The following CHN2 variants were observed in gnomAD, a reference collection of about 807,000 sequenced individuals.
The protein encoded by CHN2 is chimerin 2, also known as beta-chimaerin.
A neutral mutation model predicts 56.3 loss-of-function variants in CHN2; 35 were observed. The observed-to-expected ratio is 0.62, with a 90% confidence interval of 0.47 to 0.82. The LOEUF is 0.82. Among genes scored for constraint, CHN2 ranks in the 40% least tolerant of loss-of-function variants. CHN2 has a pLI of 0.00. For missense variants in CHN2, 491 were observed against 580.5 expected (o/e 0.85, Z 1.58); for synonymous variants, 210 against 212.8 (o/e 0.99, Z 0.12).
chr7:29,203,467 CAAAAAAA>C (rs11287820), intron 1 of CHN2, among the ~76,000 whole-genome samples: 7 of 55,582 alleles, frequency 1.3e-4, no homozygotes, highest in Non-Finnish European at 1.5e-4. Context: ...AACTCCGTCT[CAAAAAAA>C]AAAAAAAAAA....
chr7:29,486,248 C>A (rs1359783712), intron 7 of CHN2, among the ~76,000 whole-genome samples: 1 of 152,202 alleles, frequency 6.6e-6, no homozygotes, highest in Non-Finnish European at 1.5e-5. Context: ...ACAAGCTGTT[C>A]ATTCACGTTG....
At chr7:29,442,996 A>G (rs1232017380) in intron 6 of CHN2, among the ~76,000 whole-genome samples, 2 of 135,042 alleles carry the variant, frequency 1.5e-5, no homozygotes, top group Non-Finnish European at 3.0e-5. Context: ...TGCAGACTGC[A>G]GTGGCGCAAT....
chr7:29,429,614 G>A (rs1411603801), intron 6 of CHN2, among the ~76,000 whole-genome samples: 1 of 151,716 alleles, frequency 6.6e-6, no homozygotes, highest in African/African-American at 2.4e-5. Flanking sequence ...TCAAGGTTCA[G>A]TTCCCTGGAA....
intron 3 of CHN2, among the ~76,000 whole-genome samples, chr7:29,391,065 C>T (rs1801326177): frequency 6.6e-6 from 1 of 151,290 alleles, no homozygotes; most frequent in Non-Finnish European, 1.5e-5. Flanking sequence ...TTGATCCCAG[C>T]CTCTCTCTCT....
At chr7:29,211,057 TTG>T (rs58488183) in intron 1 of CHN2, among the ~76,000 whole-genome samples, 3,499 of 84,578 alleles carry the variant, frequency 0.041, 127 homozygotes, top group African/African-American at 0.15. Context: ...CTTAGGTGTT[TTG>T]TTTTTTTTTT....
At chr7:29,282,914 G>A (rs1446529565) in intron 1 of CHN2, among the ~76,000 whole-genome samples, 1 of 152,178 alleles carries the variant, frequency 6.6e-6, no homozygotes, top group Non-Finnish European at 1.5e-5. Flanking sequence ...TGGAGAAGAA[G>A]AAGAAAATGA....
intron 2 of CHN2, among the ~76,000 whole-genome samples, chr7:29,355,916 T>C (rs1798283068): frequency 6.7e-6 from 1 of 150,120 alleles, no homozygotes; most frequent in Admixed American, 6.7e-5. Context: ...CCCAAGTACC[T>C]GGGACTGTTA....
intron 2 of CHN2, among the ~76,000 whole-genome samples, chr7:29,163,397 G>A (rs1795468011): frequency 6.6e-6 from 1 of 152,010 alleles, no homozygotes; most frequent in Non-Finnish European, 1.5e-5. Flanking sequence ...GTTTAAAAAT[G>A]TGTCTTTTAG....
At chr7:29,195,627 A>AGTGTGT (rs1304546305) in intron 1 of CHN2, among the ~76,000 whole-genome samples, 8 of 116,812 alleles carry the variant, frequency 6.8e-5, no homozygotes, top group South Asian at 5.7e-4. Context: ...AGAGAGAGAG[A>AGTGTGT]GAGTGTGTGT....
intron 3 of CHN2, among the ~76,000 whole-genome samples, chr7:29,388,981 G>C (rs564231976): frequency 6.6e-6 from 1 of 152,248 alleles, no homozygotes; most frequent in South Asian, 2.1e-4. Context: ...ACATGGGCCT[G>C]GTCCCTTCCC....
chr7:29,382,102 A>G (rs765607056), intron 3 of CHN2, among the ~76,000 whole-genome samples: 3 of 152,184 alleles, frequency 2.0e-5, no homozygotes, highest in South Asian at 4.1e-4. Context: ...GACAGGGTTG[A>G]TATATGTAAA....
intron 1 of CHN2, among the ~76,000 whole-genome samples, chr7:29,217,934 A>G (rs1332979053): frequency 1.3e-5 from 2 of 152,152 alleles, no homozygotes; most frequent in Non-Finnish European, 2.9e-5. Context: ...GATTCCCTAG[A>G]TGGCTTATCA....
intron 2 of CHN2, among the ~76,000 whole-genome samples, chr7:29,152,651 ATTATCCCTTC>A (rs1184885087): frequency 6.6e-6 from 1 of 152,176 alleles, no homozygotes; most frequent in African/African-American, 2.4e-5. Flanking sequence ...GAAAAAAGGA[ATTATCCCTTC>A]TTCTCAGTAG....
intron 6 of CHN2, among the ~76,000 whole-genome samples, chr7:29,410,136 A>G (rs753560141): frequency 6.6e-6 from 1 of 152,246 alleles, no homozygotes; most frequent in African/African-American, 2.4e-5. Context: ...TTTTAATTTC[A>G]TCGAGGCTTT....
intron 1 of CHN2, among the ~76,000 whole-genome samples, chr7:29,264,601 T>C (rs1238567399): frequency 6.6e-6 from 1 of 152,164 alleles, no homozygotes; most frequent in African/African-American, 2.4e-5. Flanking sequence ...GTTGAACAGA[T>C]GCTTGAAGGC....
At chr7:29,180,883 G>T (rs1405393888) in intron 2 of CHN2, among the ~76,000 whole-genome samples, 1 of 152,166 alleles carries the variant, frequency 6.6e-6, no homozygotes, top group African/African-American at 2.4e-5. Context: ...AAGCATGACT[G>T]CTTGCAGTGT....
chr7:29,352,199 A>G (rs1797934017), intron 1 of CHN2, among the ~76,000 whole-genome samples: 1 of 152,186 alleles, frequency 6.6e-6, no homozygotes, highest in African/African-American at 2.4e-5. Context: ...CCGAGTATAT[A>G]GAAGGCGGTG....
chr7:29,277,160 C>T (rs1253066214), intron 1 of CHN2, among the ~76,000 whole-genome samples: 1 of 152,144 alleles, frequency 6.6e-6, no homozygotes, highest in Admixed American at 6.5e-5. Context: ...AATGCAGGGA[C>T]CCTCCCCGCC....
chr7:29,279,610 G>T (rs1168202986), intron 1 of CHN2, among the ~76,000 whole-genome samples: 1 of 152,204 alleles, frequency 6.6e-6, no homozygotes, highest in African/African-American at 2.4e-5. Flanking sequence ...GGAGTGAAAG[G>T]CTGAGGTGTC....
Sources: allele counts gnomAD v4.1 joint callset (sites outside exome capture counted in the v4.1 genomes callset), GRCh38; gene constraint gnomAD v4.1.1; transcripts MANE v1.5; gene names NCBI Gene and HGNC (gene_info 2026-07-23, HGNC 2026-07-21).